Variants in DDX59 observed in about 807,000 individuals in gnomAD.
The protein encoded by DDX59 is DEAD-box helicase 59.
A neutral mutation model predicts 51.9 loss-of-function variants in DDX59; 30 were observed. That is an observed-to-expected ratio of 0.58 (90% CI 0.43 to 0.78). The LOEUF (loss-of-function observed/expected upper bound fraction) is 0.78. Ranked by LOEUF, DDX59 falls within the 30% of genes least tolerant of loss-of-function variation. The probability of loss-of-function intolerance (pLI) is 0.00; values close to 1 mark genes in which losing one functional copy is unlikely to be tolerated. For missense variants in DDX59, 672 were observed against 730.8 expected (o/e 0.92, Z 0.93); for synonymous variants, 255 against 253.3 (o/e 1.01, Z -0.06).
intron 3 of DDX59, among the ~76,000 whole-genome samples, chr1:200,661,659 A>G (rs80130542): frequency 4.6e-5 from 7 of 152,232 alleles, no homozygotes; most frequent in African/African-American, 1.7e-4. Context: ...TGACAAAGAC[A>G]CAACAACTAA....
chr1:200,656,409 T>C (rs547375978), intron 4 of DDX59, among the ~76,000 whole-genome samples: 49 of 152,340 alleles, frequency 3.2e-4, no homozygotes, highest in African/African-American at 1.1e-3. Flanking sequence ...AGTATATGTA[T>C]CTTTTCTCTC....
chr1:200,655,498 C>T (rs1456091637), intron 4 of DDX59, among the ~76,000 whole-genome samples: 1 of 152,170 alleles, frequency 6.6e-6, no homozygotes, highest in Non-Finnish European at 1.5e-5. Flanking sequence ...ATCCAAATTC[C>T]TCTGCCTTCC....
At chr1:200,660,131 A>G (rs1466996475) in intron 3 of DDX59, among the ~76,000 whole-genome samples, 1 of 152,050 alleles carries the variant, frequency 6.6e-6, no homozygotes, top group African/African-American at 2.4e-5. Flanking sequence ...GTTTCATTCA[A>G]TGTTTCCTGA....
intron 3 of DDX59, among the ~76,000 whole-genome samples, chr1:200,662,116 GC>G (rs920170826): frequency 1.4e-4 from 21 of 152,184 alleles, no homozygotes; most frequent in African/African-American, 5.1e-4. Flanking sequence ...TGTACAGCCT[GC>G]AGAACCATGA....
intron 6 of DDX59, 52 bp from the exon 7 acceptor site, chr1:200,648,619 TTGTG>T (rs750080420): frequency 1.3e-4 from 207 of 1,568,622 alleles, no homozygotes; most frequent in Middle Eastern, 5.1e-4. Flanking sequence ...TTGTGTGGTT[TTGTG>T]TAATTCTGAT....
intron 4 of DDX59, 24 bp from the exon 5 acceptor site, chr1:200,650,700 T>G: frequency 6.4e-7 from 1 of 1,561,308 alleles, no homozygotes; most frequent in Non-Finnish European, 8.7e-7. Context: ...GTATTAAAGT[T>G]AGTCTTGTTT....
chr1:200,658,780 G>A (rs557328940), intron 4 of DDX59, among the ~76,000 whole-genome samples: 55 of 152,202 alleles, frequency 3.6e-4, no homozygotes, highest in African/African-American at 1.3e-3. Context: ...ACTTACCATT[G>A]AGAATAGAGT....
At chr1:200,652,627 A>C (rs1661737016) in intron 4 of DDX59, among the ~76,000 whole-genome samples, 1 of 150,662 alleles carries the variant, frequency 6.6e-6, no homozygotes, top group South Asian at 2.1e-4. Flanking sequence ...CAAATTATTC[A>C]ACAGATGTTA....
Position 200,648,614 on chromosome 1 carries a change from T to C in DDX59, c.1468-47A>G, listed in dbSNP as rs191469410. 481 of 1,572,762 alleles carry C rather than the reference T, an allele frequency of 3.1e-4. 4 individuals carry two copies. The East Asian group carries it at 7.6e-3, about 25-fold the overall frequency. On this transcript the variant is annotated intron_variant, in intron 6 of 7. Coordinates refer to ENST00000331314, the MANE Select transcript of DDX59 (RefSeq NM_001031725.6). Reference sequence around the variant, plus strand: ...TTTATTATTCAGAATTTATTTTGTGTGGTTTTGTGTAATTCTGATAGCTTT... The same window carrying C: ...TTTATTATTCAGAATTTATTTTGTGCGGTTTTGTGTAATTCTGATAGCTTT...
chr1:200,646,339 A>C (rs925028449), intron 7 of DDX59, among the ~76,000 whole-genome samples: 2 of 152,170 alleles, frequency 1.3e-5, no homozygotes, highest in Non-Finnish European at 2.9e-5. Context: ...GTCTCTTAAA[A>C]AAACAAACAA....
At chr1:200,644,658 G>A in intron 7 of DDX59, 141 bp from the exon 8 acceptor site, 1 of 1,033,202 alleles carries the variant, frequency 9.7e-7, no homozygotes, top group Non-Finnish European at 1.3e-6. Flanking sequence ...CACTTTGGGA[G>A]CTGAGGCAGG....
At chr1:200,654,930 C>T (rs1400353569) in intron 4 of DDX59, 1 of 152,248 alleles carries the variant, frequency 6.6e-6, no homozygotes, top group Non-Finnish European at 1.5e-5. Context: ...TCTTCAGACT[C>T]CACAAGCCAG....
chr1:200,658,985 T>C, intron 4 of DDX59, 42 bp downstream of exon 4: 1 of 1,464,600 alleles, frequency 6.8e-7, no homozygotes, highest in Non-Finnish European at 9.4e-7. Context: ...TTCCATAAAT[T>C]GTGTAAAATC....
rs186869977 is a variant in DDX59 at position 200,665,784 on chromosome 1, A to G, written c.804+153T>C. Among the ~76,000 whole-genome samples, 301 of 152,378 alleles carry G rather than the reference A, an allele frequency of 2.0e-3. 1 individual carries two copies. Among genetic ancestry groups the G allele is most frequent in the African/African-American group, 6.9e-3 (285 of 41,588 alleles). The stretch of plus-strand genomic sequence containing the variant: ...CTGAAATTATGTTTTCATACAAACT[A>G]CTATCAGAAGCAAAATCACTACAGG... On this transcript the variant is annotated intron_variant, in intron 2 of 7. Coordinates refer to ENST00000331314, the MANE Select transcript of DDX59 (RefSeq NM_001031725.6).
intron 2 of DDX59, among the ~76,000 whole-genome samples, chr1:200,664,375 C>G (rs1162645273): frequency 6.6e-6 from 1 of 152,146 alleles, no homozygotes; most frequent in Non-Finnish European, 1.5e-5. Context: ...GTTTATTGGA[C>G]CCTGTAATCT....
chr1:200,666,255 C>T lies in DDX59; in HGVS notation c.486G>A (p.Leu162=), dbSNP rs995082134. Residue 162 remains leucine (L), a synonymous_variant, in exon 2 of 8, where the codon CTG becomes CTA. Coordinates refer to ENST00000331314, the MANE Select transcript of DDX59 (RefSeq NM_001031725.6). ...QKADSEPESP[L]NASYVYKEHP... ...GCTCTTTGTAGACATAGGAAGCATT[C>T]AGTGGAGACTCTGGCTCAGAATCAG... The T allele has an allele frequency of 2.5e-6, 4 of 1,614,220 alleles. No individual in the cohort carries two copies. The East Asian group carries it at 6.7e-5, about 27-fold the overall frequency.
rs1252223568 is a variant in DDX59, at chr1:200,644,450, C to T, written c.1664G>A (p.Arg555Lys). Residue 555 changes from arginine to lysine, a missense_variant, in exon 8 of 8, where the codon AGA (arginine) becomes AAA (lysine). Coordinates refer to ENST00000331314, the MANE Select transcript of DDX59 (RefSeq NM_001031725.6). Reference protein sequence around the residue: ...AITFINNNSKRLFWDIAKRVK... With the variant: ...AITFINNNSKKLFWDIAKRVK... The stretch of plus-strand genomic sequence containing the variant: ...TCGTTTTGCAATATCCCAGAAGAGT[C>T]TTTTTGAATTATTATTGATGAAAGT... The T allele has an allele frequency of 6.2e-7, 1 of 1,609,692 alleles. No individual in the cohort carries two copies. The highest frequency in any genetic ancestry group is 1.3e-5 in the African/African-American group (1 of 74,700).
At chr1:200,641,808 T>G (rs1661058214), downstream of DDX59, among the ~76,000 whole-genome samples, 3 of 151,432 alleles carry the variant, frequency 2.0e-5, no homozygotes, top group African/African-American at 4.9e-5. Context: ...ATGGAGACCA[T>G]CCTGGCCAAC....
At chr1:200,667,609 A>C (rs891860296) in intron 1 of DDX59, among the ~76,000 whole-genome samples, 15 of 152,196 alleles carry the variant, frequency 9.9e-5, no homozygotes, top group African/African-American at 3.4e-4. Flanking sequence ...GATATTATAG[A>C]AATTCTGGGG....
Sources: gnomAD v4.1 joint callset for allele counts (sites outside exome capture counted in the v4.1 genomes callset) on GRCh38, gnomAD v4.1.1 for gene constraint, MANE v1.5 for transcripts, NCBI Gene and HGNC (gene_info 2026-07-23, HGNC 2026-07-21) for gene names.